CEP128: variants seen among roughly 807,000 people sequenced by gnomAD.
CEP128 encodes the protein centrosomal protein 128.
CEP128 carries 132 observed loss-of-function variants against 156.7 expected under a neutral mutation model. The observed-to-expected ratio is 0.84, with a 90% CI of 0.73 to 0.97. CEP128 has a LOEUF of 0.97. CEP128 is among the 50% of genes least tolerant of loss of function. The pLI, the probability that CEP128 is intolerant of heterozygous loss-of-function variation, is 0.00. For synonymous variants in CEP128, 469 were observed against 448.9 expected (o/e 1.04, Z -0.57); for missense variants, 1,252 against 1,281.9 (o/e 0.98, Z 0.36).
At position 80,756,944 on chromosome 14, in the gene CEP128, G is replaced by GA. The variant is rs1215653055; in HGVS notation, c.2560dup (p.Ser854PhefsTer5). On this transcript the variant is annotated frameshift_variant, in exon 18 of 25. Coordinates refer to ENST00000555265, the MANE Select transcript of CEP128 (RefSeq NM_152446.5). LOFTEE classifies it high-confidence loss of function. ...GTCATAATGTATATCAGGACCAGAT[G>GA]AAAAAACCTACAAAAGAGAAAACAG... 2 of 1,591,858 alleles carry GA rather than the reference G, an allele frequency of 1.3e-6. No homozygotes were observed. Among genetic ancestry groups the GA allele is most frequent in the Non-Finnish European group, 1.7e-6 (2 of 1,163,652 alleles).
In CEP128 at chr14:80,793,025, G is replaced by A. The variant is rs766499339; in HGVS notation, c.1295C>T (p.Thr432Ile). The change falls in exon 14 of 25, where the codon ACA becomes ATA. Residue 432 changes from threonine (T) to isoleucine (I), a missense_variant. Transcript: ENST00000555265. ...AGCATGCTTACGCTCGGCCTCACATGTGTCAAAGTGATTCTGGATCTCCTT... is the reference window on the plus strand; with the variant it reads ...AGCATGCTTACGCTCGGCCTCACATATGTCAAAGTGATTCTGGATCTCCTT... ...RLKEIQNHFD[T>I]CEAERKHADL... 20 of 1,614,072 alleles carry A rather than the reference G, an allele frequency of 1.2e-5. No individual in the cohort carries two copies. The highest frequency in any genetic ancestry group is 1.6e-5 in the Non-Finnish European group (19 of 1,180,036).
Position 80,666,752 on chromosome 14 carries a change from A to G in CEP128, c.2806+76323T>C, listed in dbSNP as rs572160946. Reference sequence around the variant, plus strand: ...AAAAAAAAAAAAAGACCAAACGCATAAAAACAATAAACCATGAGTCCAAGG... The same window carrying G: ...AAAAAAAAAAAAAGACCAAACGCATGAAAACAATAAACCATGAGTCCAAGG... On this transcript the variant is annotated intron_variant, in intron 19 of 24. Transcript: ENST00000555265. Among the ~76,000 whole-genome samples the G allele has an allele frequency of 1.8e-3, 276 of 152,170 alleles. 1 individual carries two copies. The highest frequency in any genetic ancestry group is 3.2e-3 in the Non-Finnish European group (220 of 68,000).
chr14:80,912,940 A>C (rs1278395656), intron 4 of CEP128, among the ~76,000 whole-genome samples: 7 of 152,208 alleles, frequency 4.6e-5, no homozygotes, highest in Non-Finnish European at 7.3e-5. Flanking sequence ...CCTCATTAGA[A>C]ACATGAAGGA....
upstream of CEP128, among the ~76,000 whole-genome samples, chr14:80,942,674 A>C (rs1703297173): frequency 6.7e-6 from 1 of 148,640 alleles, no homozygotes; most frequent in Non-Finnish European, 1.5e-5. Context: ...TCCATTTCCC[A>C]GTTGGTCCCC....
chr14:80,663,066 C>A (rs2044105939), intron 19 of CEP128, among the ~76,000 whole-genome samples: 1 of 152,124 alleles, frequency 6.6e-6, no homozygotes, highest in South Asian at 2.1e-4. Context: ...TGTTTTGTTA[C>A]AGTAATAAAC....
Position 80,836,216 on chromosome 14 carries a change from C to T in CEP128, c.1046G>A (p.Arg349Lys). Residue 349 changes from arginine (R) to lysine (K), a missense_variant, in exon 12 of 25, where the codon AGA becomes AAA. Coordinates refer to ENST00000555265, the MANE Select transcript of CEP128 (RefSeq NM_152446.5). Reference protein sequence around the residue: ...NYQDEQGEDWRFRRGVEREKQ... With the variant: ...NYQDEQGEDWKFRRGVEREKQ... ...AAATCTACTTTTACCTCTCCTAAAT[C>T]TCCAGTCCTCCCCTTGTTCATCCTG... The T allele has an allele frequency of 1.2e-6, 2 of 1,613,994 alleles. No individual in the cohort carries two copies. Among genetic ancestry groups the T allele is most frequent in the Non-Finnish European group, 1.7e-6 (2 of 1,179,906 alleles).
intron 19 of CEP128, among the ~76,000 whole-genome samples, chr14:80,701,893 A>G (rs1341417133): frequency 6.6e-6 from 1 of 152,146 alleles, no homozygotes; most frequent in African/African-American, 2.4e-5. Flanking sequence ...ATGCCTTTGC[A>G]TGGGTGCTTC....
intron 19 of CEP128, among the ~76,000 whole-genome samples, chr14:80,587,628 T>C (rs1050789896): frequency 2.0e-5 from 3 of 152,132 alleles, no homozygotes; most frequent in Admixed American, 1.3e-4. Context: ...CATCCTGATA[T>C]AGAATGAAAG....
chr14:80,651,026 C>T (rs763205514), intron 19 of CEP128, among the ~76,000 whole-genome samples: 21 of 152,152 alleles, frequency 1.4e-4, no homozygotes, highest in African/African-American at 2.4e-4. Context: ...TGGTAGAATT[C>T]GGCTGTGAAT....
chr14:80,785,645 G>GAA, intron 14 of CEP128, 100 bp from the exon 15 acceptor site: 5 of 762,020 alleles, frequency 6.6e-6, no homozygotes, highest in African/African-American at 1.8e-5. Flanking sequence ...AACCCACAAG[G>GAA]AAAAAAAAAA....
At chr14:80,711,528 T>A (rs181717735) in intron 19 of CEP128, among the ~76,000 whole-genome samples, 149 of 152,062 alleles carry the variant, frequency 9.8e-4, no homozygotes, top group Non-Finnish European at 1.8e-3. Context: ...CTCATGTAGA[T>A]AGAGAGCACA....
At chr14:80,680,248 G>A (rs1292998472) in intron 19 of CEP128, among the ~76,000 whole-genome samples, 1 of 152,128 alleles carries the variant, frequency 6.6e-6, no homozygotes. Flanking sequence ...TTGGGGACCT[G>A]GAACTAATCT....
chr14:80,753,909 T>C (rs1899512293), intron 18 of CEP128, among the ~76,000 whole-genome samples: 1 of 152,184 alleles, frequency 6.6e-6, no homozygotes, highest in Non-Finnish European at 1.5e-5. Flanking sequence ...ATTACTCCAG[T>C]CTGTCCTTTC....
intron 9 of CEP128, among the ~76,000 whole-genome samples, chr14:80,853,083 T>C (rs924304171): frequency 6.6e-6 from 1 of 151,974 alleles, no homozygotes; most frequent in South Asian, 2.1e-4. Context: ...AACCCATTCA[T>C]GATTTTTAAA....
chr14:80,657,661 A>G (rs8003583), intron 19 of CEP128, among the ~76,000 whole-genome samples: 4,322 of 152,052 alleles, frequency 0.028, 201 homozygotes, highest in African/African-American at 0.1. Context: ...AAAAACAAAA[A>G]CAGAAACCAC....
chr14:80,643,526 G>T (rs1894508366), intron 19 of CEP128, among the ~76,000 whole-genome samples: 1 of 152,108 alleles, frequency 6.6e-6, no homozygotes, highest in South Asian at 2.1e-4. Flanking sequence ...AGACCAGTCT[G>T]GCCAACAGGG....
chr14:80,955,984 G>C, intron 2 of CEP128: 1 of 1,098,786 alleles, frequency 9.1e-7, no homozygotes, highest in Non-Finnish European at 1.4e-6. Context: ...GTGAATGTCT[G>C]TGTGTGTAGA....
At chr14:80,539,609 C>T (rs946507640) in intron 21 of CEP128, among the ~76,000 whole-genome samples, 1 of 152,052 alleles carries the variant, frequency 6.6e-6, no homozygotes, top group African/African-American at 2.4e-5. Context: ...TGTGTTTGAA[C>T]AATATGAAAT....
In CEP128 at chr14:80,585,656, T is replaced by C. The variant is rs970372298; in HGVS notation, c.2807-5233A>G. ...AGAGTAACATTGGCAGCAGAATATG[T>C]TGAGTTACTGATTGCAGTTTAGAGA... On this transcript the variant is annotated intron_variant, in intron 19 of 24. Coordinates refer to ENST00000555265, the MANE Select transcript of CEP128 (RefSeq NM_152446.5). 2.6e-5 allele frequency among the ~76,000 whole-genome samples: 4 copies of C among 152,218 alleles called. 1 individual carries two copies. The highest frequency in any genetic ancestry group is 9.6e-5 in the African/African-American group (4 of 41,454).
Sources: gnomAD v4.1 joint callset for allele counts (sites outside exome capture counted in the v4.1 genomes callset) on GRCh38, gnomAD v4.1.1 for gene constraint, MANE v1.5 for transcripts, NCBI Gene and HGNC (gene_info 2026-07-23, HGNC 2026-07-21) for gene names.